GLCCI1: variants seen among roughly 807,000 people sequenced by gnomAD.
The protein encoded by GLCCI1 is glucocorticoid-induced transcript 1 protein.
Under a neutral mutation model 52.2 loss-of-function variants are expected in GLCCI1, and 24 were observed. The ratio of observed to expected loss-of-function variants is 0.46; its 90% CI spans 0.33 to 0.65. The LOEUF is 0.65. Among genes scored for constraint, GLCCI1 ranks in the 30% least tolerant of loss-of-function variants. The probability of loss-of-function intolerance (pLI) is 0.02; values close to 1 mark genes in which losing one functional copy is unlikely to be tolerated. For synonymous variants in GLCCI1, 310 were observed against 276.5 expected (o/e 1.12, Z -1.20); for missense variants, 704 against 701.5 (o/e 1.00, Z -0.04).
Position 8,086,542 on chromosome 7 carries a change from A to C in GLCCI1, c.*4A>C. On this transcript the variant is annotated 3_prime_UTR_variant, in exon 8 of 8. Transcript: ENST00000223145. This position sits in a 1 kb window ranked among gnomAD's most constrained non-coding sequence, Gnocchi z 4.4. ...TCAGAACTATGTGATCATCTAAAAA[A>C]GGGGGAGCTGGCCTCCACCCTATGT... The C allele has an allele frequency of 6.4e-7, 1 of 1,572,614 alleles. No individual in the cohort carries two copies. The highest frequency in any genetic ancestry group is 1.4e-5 in the African/African-American group (1 of 73,178).
rs1205429388 is a variant in GLCCI1 at position 8,086,170 on chromosome 7, C to G, written c.1299-23C>G. 6.4e-7 allele frequency: 1 copy of G among 1,556,262 alleles called. No individual in the cohort carries two copies. Among genetic ancestry groups the G allele is most frequent in the African/African-American group, 1.4e-5 (1 of 72,458 alleles). Reference sequence around the variant, plus strand: ...TTTTTCTGTGTTCATGATTATAAATCTAATTTTGTTTTATGGTTTTAGGTC... The same window carrying G: ...TTTTTCTGTGTTCATGATTATAAATGTAATTTTGTTTTATGGTTTTAGGTC... On this transcript the variant is annotated intron_variant, in intron 7 of 7. Coordinates refer to ENST00000223145, the MANE Select transcript of GLCCI1 (RefSeq NM_138426.4). This position sits in a 1 kb window ranked among gnomAD's most constrained non-coding sequence, Gnocchi z 4.4.
chr7:8,063,858 G>A (rs560706469), intron 5 of GLCCI1, among the ~76,000 whole-genome samples: 5 of 151,508 alleles, frequency 3.3e-5, no homozygotes, highest in African/African-American at 1.2e-4. Flanking sequence ...CAGAGCTCAA[G>A]AATCCTCTTG....
intron 1 of GLCCI1, among the ~76,000 whole-genome samples, chr7:7,972,183 G>A (rs1780367196): frequency 6.6e-6 from 1 of 152,058 alleles, no homozygotes; most frequent in African/African-American, 2.4e-5. Flanking sequence ...GTGGATTTTA[G>A]CCTCCACTGG....
In GLCCI1 at chr7:8,052,417, T is replaced by G. The variant is rs113011146; in HGVS notation, c.697-3016T>G. Among the ~76,000 whole-genome samples the G allele has an allele frequency of 2.6e-4, 39 of 152,358 alleles. 1 individual carries two copies. The highest frequency in any genetic ancestry group is 5.8e-4 in the African/African-American group (24 of 41,588). ...GGGGAGCTGACTTCCAAAATTAATT[T>G]CCTAGTTTTGAGTTGGTTATGGCTT... On this transcript the variant is annotated intron_variant, in intron 3 of 7. Coordinates refer to ENST00000223145, the MANE Select transcript of GLCCI1 (RefSeq NM_138426.4).
At chr7:8,042,242 A>G (rs1376528188) in intron 3 of GLCCI1, among the ~76,000 whole-genome samples, 3 of 152,218 alleles carry the variant, frequency 2.0e-5, no homozygotes, top group African/African-American at 7.2e-5. Context: ...TTCAATTCTT[A>G]TTATTTAAGA....
At chr7:8,023,867 G>C (rs1781555399) in intron 3 of GLCCI1, among the ~76,000 whole-genome samples, 1 of 151,952 alleles carries the variant, frequency 6.6e-6, no homozygotes, top group South Asian at 2.1e-4. Context: ...CCAAAGTGCT[G>C]AGATTACAGG....
At chr7:7,985,796 A>G (rs1346431524) in intron 1 of GLCCI1, among the ~76,000 whole-genome samples, 2 of 152,178 alleles carry the variant, frequency 1.3e-5, no homozygotes, top group Non-Finnish European at 2.9e-5. Context: ...TAGAATGGCA[A>G]TCCTGTTATC....
At chr7:7,994,896 A>G (rs1365935442) in intron 1 of GLCCI1, among the ~76,000 whole-genome samples, 1 of 151,900 alleles carries the variant, frequency 6.6e-6, no homozygotes, top group Admixed American at 6.6e-5. Flanking sequence ...ACACTCACAC[A>G]CTCTCCATAT....
chr7:7,988,480 G>A (rs1198502075), intron 1 of GLCCI1, among the ~76,000 whole-genome samples: 3 of 152,064 alleles, frequency 2.0e-5, no homozygotes, highest in Admixed American at 1.3e-4. Flanking sequence ...GTCACATTGA[G>A]GAATTATATA....
intron 3 of GLCCI1, among the ~76,000 whole-genome samples, chr7:8,050,523 C>T (rs766981397): frequency 1.1e-4 from 16 of 151,992 alleles, no homozygotes; most frequent in Non-Finnish European, 1.9e-4. Flanking sequence ...TAAAGTTTGT[C>T]GTATATTTCC....
At chr7:8,061,101 C>CTTTTTTTTTTTTTTTTTTT (rs1183119492) in intron 5 of GLCCI1, among the ~76,000 whole-genome samples, 1 of 138,910 alleles carries the variant, frequency 7.2e-6, no homozygotes, top group Non-Finnish European at 1.6e-5. Context: ...TGCTAGTGAT[C>CTTTTTTTTTTTTTTTTTTT]TTTTTTTTTT....
intron 1 of GLCCI1, among the ~76,000 whole-genome samples, chr7:7,999,631 G>A (rs1338951580): frequency 6.6e-6 from 1 of 151,690 alleles, no homozygotes. Flanking sequence ...AAGGCTGGGA[G>A]TGGTGGCTTA....
intron 3 of GLCCI1, among the ~76,000 whole-genome samples, chr7:8,041,691 A>G (rs529576290): frequency 1.3e-5 from 2 of 152,266 alleles, no homozygotes; most frequent in South Asian, 2.1e-4. Flanking sequence ...GCTGGGCTCA[A>G]GCAGTCTTCC....
intron 3 of GLCCI1, among the ~76,000 whole-genome samples, chr7:8,023,424 A>G (rs940651244): frequency 6.6e-6 from 1 of 151,982 alleles, no homozygotes; most frequent in African/African-American, 2.4e-5. Context: ...CTGAGGTGTC[A>G]TATCTTTATG....
Position 7,977,666 on chromosome 7 carries a change from G to T in GLCCI1, c.457+7859G>T, listed in dbSNP as rs183440290. On this transcript the variant is annotated intron_variant, in intron 1 of 7. Transcript: ENST00000223145. The stretch of plus-strand genomic sequence containing the variant: ...GGATAGACTTTTTAAGATTTTGGTT[G>T]GGTAGGGAAAAGATTGAGCTATTTA... 1.5e-4 allele frequency among the ~76,000 whole-genome samples: 23 copies of T among 152,286 alleles called. No individual in the cohort carries two copies. In the East Asian group the frequency reaches 4.4e-3, roughly 29 times the overall value.
rs1020892795 is a variant in GLCCI1, at chr7:8,086,665, T to C, written c.*127T>C. The C allele has an allele frequency of 1.3e-6, 1 of 768,110 alleles. No homozygotes were observed. Among genetic ancestry groups the C allele is most frequent in the African/African-American group, 1.7e-5 (1 of 57,222 alleles). The allele number at this position is 768,110 out of a possible 1,614,324, so 47.6% of individuals were successfully genotyped here. A position where few individuals can be genotyped will look rare whatever the true frequency, so the allele number is the denominator to read the frequency against. On this transcript the variant is annotated 3_prime_UTR_variant, in exon 8 of 8. Coordinates refer to ENST00000223145, the MANE Select transcript of GLCCI1 (RefSeq NM_138426.4). This position sits in a 1 kb window ranked among gnomAD's most constrained non-coding sequence, Gnocchi z 4.4. ...ATACTTATCAGCATCATAAAGTATCTCTTAAACACTGATCTTGGCAGGGAC... is the reference window on the plus strand; with the variant it reads ...ATACTTATCAGCATCATAAAGTATCCCTTAAACACTGATCTTGGCAGGGAC...
rs201662119 is a variant in GLCCI1 at position 8,070,923 on chromosome 7, G to T, written c.969G>T (p.Pro323=). 5 of 1,613,440 alleles carry T rather than the reference G, an allele frequency of 3.1e-6. No homozygotes were observed. The Admixed American group carries it at 5.0e-5, about 16-fold the overall frequency. Residue 323 remains proline, a splice_region_variant and synonymous_variant, in exon 6 of 8, where the codon CCG becomes CCT. Transcript: ENST00000223145. ...ENNGKEEVSK[P]LDIPDGRRAP... is the part of the protein sequence containing the mutation. The stretch of plus-strand genomic sequence containing the variant: ...GTTTAATGGTATTCCTCTTACAGCC[G>T]TTGGACATACCAGATGGTCGAAGAG...
chr7:8,036,328 G>A (rs1473567510), intron 3 of GLCCI1, among the ~76,000 whole-genome samples: 1 of 152,152 alleles, frequency 6.6e-6, no homozygotes, highest in Non-Finnish European at 1.5e-5. Flanking sequence ...TTTGCTTTCA[G>A]TGGAAAGCAC....
chr7:8,088,886 G>A lies in GLCCI1; in HGVS notation c.*2348G>A, dbSNP rs547547882. The A allele has an allele frequency of 8.5e-5, 13 of 152,784 alleles. No homozygotes were observed. Among genetic ancestry groups the A allele is most frequent in the African/African-American group, 2.9e-4 (12 of 41,592 alleles). 9.5% of individuals were successfully genotyped at this position (152,784 alleles called of 1,614,324 possible). Reference sequence around the variant, plus strand: ...TGAGCTCAAATGTATCCTACATCCAGCTGTAGAAATTTGTCAGAAATTGTT... The same window carrying A: ...TGAGCTCAAATGTATCCTACATCCAACTGTAGAAATTTGTCAGAAATTGTT... On this transcript the variant is annotated 3_prime_UTR_variant, in exon 8 of 8. Coordinates refer to ENST00000223145, the MANE Select transcript of GLCCI1 (RefSeq NM_138426.4).
Sources: gnomAD v4.1 joint callset for allele counts (sites outside exome capture counted in the v4.1 genomes callset) on GRCh38, gnomAD v4.1.1 for gene constraint, Gnocchi (gnomAD v3.1) non-coding constraint, MANE v1.5 for transcripts, NCBI Gene and HGNC (gene_info 2026-07-23, HGNC 2026-07-21) for gene names.